The following SLC2A9 variants were observed in gnomAD, a reference collection of about 807,000 sequenced individuals.
SLC2A9 encodes solute carrier family 2, facilitated glucose transporter member 9.
Under a neutral mutation model 50.6 loss-of-function variants are expected in SLC2A9, and 39 were observed. The observed-to-expected ratio is 0.77, with a 90% confidence interval of 0.60 to 1.01. The LOEUF (loss-of-function observed/expected upper bound fraction) is 1.01. Ranked by LOEUF, SLC2A9 falls within the 50% of genes least tolerant of loss-of-function variation. The probability of loss-of-function intolerance (pLI) is 0.00; values close to 1 mark genes in which losing one functional copy is unlikely to be tolerated. For synonymous variants in SLC2A9, 324 were observed against 276.9 expected, an observed-to-expected ratio of 1.17 and a Z score of -1.69; for missense variants, 686 against 677.6, an observed-to-expected ratio of 1.01 and a Z score of -0.14.
chr4:9,945,409 G>A (rs1443344562), intron 5 of SLC2A9, among the ~76,000 whole-genome samples: 1 of 152,194 alleles, frequency 6.6e-6, no homozygotes, highest in Non-Finnish European at 1.5e-5. Flanking sequence ...AGGAAAGAGT[G>A]GCTTTTATTA....
intron 3 of SLC2A9, among the ~76,000 whole-genome samples, chr4:9,788,983 T>C (rs1380502570): frequency 6.6e-6 from 1 of 152,174 alleles, no homozygotes; most frequent in Non-Finnish European, 1.5e-5. Context: ...ATTGTTTCTA[T>C]ATCCTCTTAA....
chr4:9,927,038 T>TTG (rs995104094), intron 6 of SLC2A9, among the ~76,000 whole-genome samples: 3 of 151,392 alleles, frequency 2.0e-5, no homozygotes, highest in Non-Finnish European at 2.9e-5. Context: ...CGATTTTTTT[T>TTG]TTTTTTTTTT....
intron 10 of SLC2A9, chr4:9,880,188 T>G (rs908059373): frequency 2.0e-6 from 2 of 985,324 alleles, no homozygotes; most frequent in African/African-American, 3.5e-5. Context: ...GCAGCTTTTC[T>G]TAGACAGGTA....
At chr4:9,944,157 C>T (rs1748696679) in intron 5 of SLC2A9, among the ~76,000 whole-genome samples, 1 of 152,172 alleles carries the variant, frequency 6.6e-6, no homozygotes, top group South Asian at 2.1e-4. Flanking sequence ...TGGGGAACAA[C>T]AACTGTAGTG....
At chr4:9,886,423 A>C (rs1736230064) in intron 10 of SLC2A9, among the ~76,000 whole-genome samples, 1 of 104,442 alleles carries the variant, frequency 9.6e-6, no homozygotes, top group Admixed American at 1.1e-4. Context: ...CCCTCATAGC[A>C]CTGTGTGTGT....
intron 3 of SLC2A9, among the ~76,000 whole-genome samples, chr4:9,820,325 T>C (rs973911854): frequency 2.6e-5 from 4 of 152,232 alleles, no homozygotes; most frequent in African/African-American, 7.2e-5. Flanking sequence ...TTTGTGTCTA[T>C]ACTTTCACCA....
chr4:9,920,467 A>G lies in SLC2A9; in HGVS notation c.920T>C (p.Leu307Pro). 25 of 1,614,182 alleles carry G rather than the reference A, an allele frequency of 1.5e-5. No individual in the cohort carries two copies. Among genetic ancestry groups the G allele is most frequent in the Non-Finnish European group, 2.1e-5 (25 of 1,180,030 alleles). Residue 307 changes from leucine to proline, a missense_variant, in exon 7 of 12, where the codon CTG becomes CCG. Transcript: ENST00000264784. ...CCAGCGGACGTAGGGAGCTCTCAGC[A>G]GCTCCAGCACGGACACCAGGCGGAT... ...RSIRLVSVLE[L>P]LRAPYVRWQV...
intron 11 of SLC2A9, among the ~76,000 whole-genome samples, chr4:9,831,957 A>T (rs1726221535): frequency 6.6e-6 from 1 of 152,230 alleles, no homozygotes; most frequent in African/African-American, 2.4e-5. Context: ...ACTTGACAAC[A>T]GCCATTAACA....
At chr4:9,874,480 C>T (rs148782913) in intron 10 of SLC2A9, among the ~76,000 whole-genome samples, 105 of 152,308 alleles carry the variant, frequency 6.9e-4, no homozygotes, top group East Asian at 6.2e-3. Flanking sequence ...CAAAGTGGAG[C>T]ACCATGCCAG....
At chr4:10,010,358 C>T (rs1271942632) in intron 2 of SLC2A9, among the ~76,000 whole-genome samples, 1 of 152,162 alleles carries the variant, frequency 6.6e-6, no homozygotes. Flanking sequence ...TATAATAAAG[C>T]TGTAATTCTA....
At chr4:9,904,496 T>C (rs944794837) in intron 8 of SLC2A9, among the ~76,000 whole-genome samples, 5 of 152,182 alleles carry the variant, frequency 3.3e-5, no homozygotes, top group African/African-American at 1.2e-4. Context: ...ACCTGGGTAA[T>C]CCAGGGTTAG....
chr4:9,867,598 C>G (rs1732697156), intron 10 of SLC2A9, among the ~76,000 whole-genome samples: 1 of 152,160 alleles, frequency 6.6e-6, no homozygotes, highest in Admixed American at 6.5e-5. Context: ...AGACGGGCGG[C>G]TATTGCTAAG....
chr4:9,941,468 T>C (rs768443610), intron 6 of SLC2A9, among the ~76,000 whole-genome samples: 5 of 152,214 alleles, frequency 3.3e-5, no homozygotes, highest in South Asian at 2.1e-4. Context: ...TGGTGTTCAC[T>C]CTGTGCTTGC....
intron 7 of SLC2A9, among the ~76,000 whole-genome samples, chr4:9,917,576 C>A (rs1434448286): frequency 1.3e-5 from 2 of 152,088 alleles, no homozygotes; most frequent in Admixed American, 6.5e-5. Flanking sequence ...GGTGATCCGC[C>A]TGCCTCAGCC....
chr4:9,946,338 T>C (rs2108806590), intron 5 of SLC2A9, among the ~76,000 whole-genome samples: 1 of 152,336 alleles, frequency 6.6e-6, no homozygotes, highest in South Asian at 2.1e-4. Flanking sequence ...CTTTAGTCCA[T>C]AAATAATATC....
intron 6 of SLC2A9, among the ~76,000 whole-genome samples, chr4:9,926,992 G>A (rs536657951): frequency 2.6e-5 from 4 of 151,724 alleles, no homozygotes; most frequent in African/African-American, 9.7e-5. Flanking sequence ...TGGACTTCTG[G>A]CCTCCAGAAC....
At chr4:9,929,200 A>G (rs2110150292) in intron 6 of SLC2A9, among the ~76,000 whole-genome samples, 1 of 152,382 alleles carries the variant, frequency 6.6e-6, no homozygotes, top group Non-Finnish European at 1.5e-5. Context: ...AGACACAGTC[A>G]GTATTCCCAC....
chr4:9,828,253 T>C (rs1034900692), intron 11 of SLC2A9, among the ~76,000 whole-genome samples: 5 of 152,244 alleles, frequency 3.3e-5, no homozygotes, highest in Non-Finnish European at 7.3e-5. Flanking sequence ...TCTGAGGGTT[T>C]GTCATCACTT....
At chr4:9,799,786 A>G (rs1412692994) in intron 3 of SLC2A9, among the ~76,000 whole-genome samples, 2 of 140,172 alleles carry the variant, frequency 1.4e-5, no homozygotes, top group Non-Finnish European at 3.1e-5. Flanking sequence ...TTATGGTACC[A>G]GGAGTGGGCA....
Sources: gnomAD v4.1 joint callset for allele counts (sites outside exome capture counted in the v4.1 genomes callset) on GRCh38, gnomAD v4.1.1 for gene constraint, MANE v1.5 for transcripts, NCBI Gene and HGNC (gene_info 2026-07-23, HGNC 2026-07-21) for gene names.